PAX8: variants seen among roughly 807,000 people sequenced by gnomAD.
The protein encoded by PAX8 is paired box protein Pax-8.
Under a neutral mutation model 52.4 loss-of-function variants are expected in PAX8, and 15 were observed. That is an observed-to-expected ratio of 0.29 (90% confidence interval 0.19 to 0.44). PAX8 has a LOEUF of 0.44. Ranked by LOEUF, PAX8 falls within the 20% of genes least tolerant of loss-of-function variation. The pLI is 1.00. For missense variants in PAX8, 554 were observed against 602.5 expected, an observed-to-expected ratio of 0.92 and a Z score of 0.84; for synonymous variants, 284 against 249.7, an observed-to-expected ratio of 1.14 and a Z score of -1.29.
chr2:113,242,261 G>C, intron 5 of PAX8, 131 bp from the exon 6 acceptor site: 5 of 697,576 alleles, frequency 7.2e-6, no homozygotes, highest in Non-Finnish European at 9.8e-6. Flanking sequence ...CAAGGGGTGG[G>C]ACACCCCTTA....
chr2:113,224,839 T>TATAAA lies in PAX8; in HGVS notation c.1189+2311_1189+2315dup, dbSNP rs56177103. Among the ~76,000 whole-genome samples, 911 of 143,624 alleles carry TATAAA rather than the reference T, an allele frequency of 6.3e-3. 6 individuals carry two copies. Among genetic ancestry groups the TATAAA allele is most frequent in the Admixed American group, 8.3e-3 (120 of 14,506 alleles). The allele number at this position is 143,624 out of a possible 152,430, so 94.2% of individuals were successfully genotyped here. Reference sequence around the variant, plus strand: ...AATAAAAAAATAAAATAAAATAAAATATAAAATAAAATAAAATAAAATAAA... The same window carrying TATAAA: ...AATAAAAAAATAAAATAAAATAAAATATAAAATAAAATAAAATAAAATAAAATAAA... On this transcript the variant is annotated intron_variant, in intron 10 of 11. Transcript: ENST00000429538.
Position 113,217,505 on chromosome 2 carries a change from T to C in PAX8, c.*1028A>G, listed in dbSNP as rs547524752. Reference sequence around the variant, plus strand: ...GTCTGGGGGTTAGAAAGAAGGAAGCTTGACCCAAACAAAGTTTCATTTACA... The same window carrying C: ...GTCTGGGGGTTAGAAAGAAGGAAGCCTGACCCAAACAAAGTTTCATTTACA... On this transcript the variant is annotated 3_prime_UTR_variant, in exon 12 of 12. Coordinates refer to ENST00000429538, the MANE Select transcript of PAX8 (RefSeq NM_003466.4). The C allele has an allele frequency of 1.3e-3, 304 of 230,460 alleles. 1 individual carries two copies. The highest frequency in any genetic ancestry group is 6.5e-3 in the African/African-American group (294 of 45,234). The allele number at this position is 230,460 out of a possible 1,614,324, so 14.3% of individuals were successfully genotyped here.
At chr2:113,249,525 G>A (rs1691596364) in intron 2 of PAX8, among the ~76,000 whole-genome samples, 1 of 151,994 alleles carries the variant, frequency 6.6e-6, no homozygotes, top group Non-Finnish European at 1.5e-5. Flanking sequence ...CTCTACAAAT[G>A]TGAAGCAGGT....
At chr2:113,246,678 T>A in intron 3 of PAX8, 76 bp downstream of exon 3, 1 of 1,520,994 alleles carries the variant, frequency 6.6e-7, no homozygotes, top group Non-Finnish European at 9.0e-7. Flanking sequence ...GGAGGGGAAT[T>A]CTCTAGCTGC....
At chr2:113,273,797 C>G (rs1693625406) in intron 2 of PAX8, 1 of 151,896 alleles carries the variant, frequency 6.6e-6, no homozygotes, top group African/African-American at 2.4e-5. Context: ...TATACTCTTT[C>G]AATTTCACTA....
Position 113,236,839 on chromosome 2 carries a change from C to G in PAX8, c.778-118G>C, listed in dbSNP as rs902029431. ...TCATCTCCCCAGGAGAGGTCCTCAT[C>G]GCCCCCTTCTTCCTTTACGTTCTCA... On this transcript the variant is annotated intron_variant, in intron 7 of 11. Coordinates refer to ENST00000429538, the MANE Select transcript of PAX8 (RefSeq NM_003466.4). 8 of 1,218,884 alleles carry G rather than the reference C, an allele frequency of 6.6e-6. No individual in the cohort carries two copies. In the Admixed American group the frequency reaches 9.8e-5, roughly 15 times the overall value. 75.5% of individuals were successfully genotyped at this position (1,218,884 alleles called of 1,614,324 possible). A position where few individuals can be genotyped will look rare whatever the true frequency, so the allele number is the denominator to read the frequency against.
At chr2:113,222,213 G>A (rs149390787) in intron 10 of PAX8, among the ~76,000 whole-genome samples, 2 of 152,164 alleles carry the variant, frequency 1.3e-5, no homozygotes, top group East Asian at 1.9e-4. Flanking sequence ...CAGGTCTCCC[G>A]GGTTTCAGCC....
chr2:113,233,582 G>A (rs186198003), intron 9 of PAX8, among the ~76,000 whole-genome samples: 2 of 151,774 alleles, frequency 1.3e-5, no homozygotes, highest in East Asian at 3.9e-4. Flanking sequence ...GGAGGCTGAG[G>A]CAGGAGAATC....
intron 2 of PAX8, among the ~76,000 whole-genome samples, chr2:113,263,967 AAAG>A (rs1239921044): frequency 1.3e-5 from 2 of 152,208 alleles, no homozygotes; most frequent in African/African-American, 4.8e-5. Context: ...GGAGAGGAAA[AAAG>A]AAGAAAAGAA....
In PAX8 at chr2:113,242,061, T is replaced by C. The variant is rs760861924; in HGVS notation, c.548A>G (p.Asn183Ser). The C allele has an allele frequency of 2.5e-6, 4 of 1,613,612 alleles. No individual in the cohort carries two copies. Among genetic ancestry groups the C allele is most frequent in the South Asian group, 2.2e-5 (2 of 90,960 alleles). The stretch of plus-strand genomic sequence containing the variant: ...AGGCTGAGCGATGCCCAGGAGCCCA[T>C]TGATGGAGTAGGTGGAGCCCAGGGA... The part of the protein sequence containing the change: ...SDSLGSTYSI[N>S]GLLGIAQPGS... The change falls in exon 6 of 12, where the codon AAT (asparagine) becomes AGT (serine). Residue 183 changes from asparagine (N) to serine (S), a missense_variant. Asn to Ser is a conservative substitution (Grantham distance 46). Around this residue, in one of 2 missense-constraint regions of PAX8, gnomAD observed 445 missense variants for 409.9 expected, o/e 1.09. Transcript: ENST00000429538.
intron 2 of PAX8, among the ~76,000 whole-genome samples, chr2:113,248,794 A>G (rs1691528586): frequency 6.6e-6 from 1 of 151,620 alleles, no homozygotes; most frequent in Admixed American, 6.6e-5. Context: ...CCCCATCTCT[A>G]CTAAAAGTAC....
At chr2:113,231,067 T>C (rs1689859675) in intron 9 of PAX8, among the ~76,000 whole-genome samples, 2 of 152,184 alleles carry the variant, frequency 1.3e-5, no homozygotes, top group South Asian at 4.1e-4. Context: ...ATTCAGAGGG[T>C]AGAGGTGATT....
chr2:113,243,531 A>T (rs1176717491), intron 4 of PAX8, among the ~76,000 whole-genome samples: 2 of 152,118 alleles, frequency 1.3e-5, no homozygotes, highest in African/African-American at 2.4e-5. Flanking sequence ...AGCTAGGATT[A>T]CAGGCACTCG....
intron 2 of PAX8, chr2:113,274,419 A>C (rs543669419): frequency 3.3e-5 from 5 of 152,036 alleles, no homozygotes; most frequent in Admixed American, 6.6e-5. Context: ...CAGGATTTCA[A>C]TTTTCTTATA....
At chr2:113,224,007 T>C (rs10208767) in intron 10 of PAX8, among the ~76,000 whole-genome samples, 2,671 of 151,988 alleles carry the variant, frequency 0.018, 101 homozygotes, top group African/African-American at 0.061. Context: ...AAAGGATGTA[T>C]ATATAGAAAG....
intron 10 of PAX8, among the ~76,000 whole-genome samples, chr2:113,221,718 A>C (rs1668526660): frequency 6.6e-6 from 1 of 152,086 alleles, no homozygotes; most frequent in African/African-American, 2.4e-5. Flanking sequence ...AACCAGTCTT[A>C]AGGCCTGGGT....
intron 2 of PAX8, among the ~76,000 whole-genome samples, chr2:113,261,637 T>C (rs985187746): frequency 3.9e-5 from 6 of 152,184 alleles, no homozygotes; most frequent in Admixed American, 6.5e-5. Flanking sequence ...GTGAGCTGTC[T>C]AATGTCACAG....
intron 9 of PAX8, among the ~76,000 whole-genome samples, chr2:113,235,020 G>A (rs934715555): frequency 1.3e-5 from 2 of 152,206 alleles, no homozygotes; most frequent in South Asian, 4.1e-4. Context: ...TTAGAAATTT[G>A]ATCCAGAAAT....
intron 10 of PAX8, among the ~76,000 whole-genome samples, chr2:113,224,839 TATAAAATAAAATAAA>T (rs56177103): frequency 0.63 from 90,923 of 143,396 alleles, 30,638 homozygotes; most frequent in Middle Eastern, 0.82. Flanking sequence ...TAAAATAAAA[TATAAAATAAAATAAA>T]ATAAAATAAA....
Sources: gnomAD v4.1 joint callset for allele counts (sites outside exome capture counted in the v4.1 genomes callset) on GRCh38, gnomAD v4.1.1 for gene constraint, gnomAD v4.1.1 regional missense constraint, MANE v1.5 for transcripts, NCBI Gene and HGNC (gene_info 2026-07-23, HGNC 2026-07-21) for gene names.